Variants in RANBP2 observed in about 807,000 individuals in gnomAD.
RANBP2 encodes the protein E3 SUMO-protein ligase RanBP2.
In RANBP2, 57 loss-of-function variants were observed where a neutral mutation model predicts 303.6. That is an observed-to-expected ratio of 0.19 (90% confidence interval 0.15 to 0.23). The LOEUF is 0.23. Among genes scored for constraint, RANBP2 ranks in the 10% least tolerant of loss-of-function variants. The pLI, the probability that RANBP2 is intolerant of heterozygous loss-of-function variation, is 1.00. For missense variants in RANBP2, 3,138 were observed against 3,780.8 expected (o/e 0.83, Z 4.46); for synonymous variants, 1,167 against 1,301.5 (o/e 0.90, Z 2.23).
the RANBP2 span, among the ~76,000 whole-genome samples, chr2:109,690,615 G>A: frequency 6.6e-6 from 1 of 152,092 alleles, no homozygotes; most frequent in Non-Finnish European, 1.5e-5. Flanking sequence ...AGCCACCCAG[G>A]GGCAGAGGAA....
the RANBP2 span, chr2:109,546,272 A>G: frequency 4.9e-6 from 7 of 1,433,718 alleles, no homozygotes; most frequent in Admixed American, 9.6e-5. Context: ...CTACTGACAC[A>G]GCGCGGCAGC....
chr2:108,990,919 C>G, the RANBP2 span, among the ~76,000 whole-genome samples: 3 of 152,144 alleles, frequency 2.0e-5, no homozygotes, highest in African/African-American at 7.2e-5. Context: ...CTGTTCTACT[C>G]CATATAATTT....
At chr2:109,202,361 C>T in the RANBP2 span, among the ~76,000 whole-genome samples, 24 of 152,294 alleles carry the variant, frequency 1.6e-4, no homozygotes, top group South Asian at 4.8e-3. Flanking sequence ...TTGGGCTTTC[C>T]ACTCTCTGTT....
chr2:109,128,883 C>T, the RANBP2 span: 1 of 319,552 alleles, frequency 3.1e-6, no homozygotes, highest in African/African-American at 2.3e-5. Flanking sequence ...GGGGACCAGG[C>T]TAATCGCCGG....
At chr2:108,760,059 T>G (rs1339026730) in intron 18 of RANBP2, among the ~76,000 whole-genome samples, 2 of 152,088 alleles carry the variant, frequency 1.3e-5, no homozygotes, top group Non-Finnish European at 2.9e-5. Context: ...ATCTCCTGAT[T>G]TCTGTTCCTG....
chr2:109,276,940 G>A, the RANBP2 span, among the ~76,000 whole-genome samples: 2 of 152,194 alleles, frequency 1.3e-5, no homozygotes, highest in African/African-American at 4.8e-5. Context: ...GAGGGTGTAA[G>A]AAGGGGAGTC....
At chr2:109,351,751 G>C in the RANBP2 span, among the ~76,000 whole-genome samples, 1 of 152,206 alleles carries the variant, frequency 6.6e-6, no homozygotes, top group African/African-American at 2.4e-5. Flanking sequence ...ATCCCTACCA[G>C]GTGTGCCATG....
At chr2:109,238,868 C>T in the RANBP2 span, among the ~76,000 whole-genome samples, 1 of 152,116 alleles carries the variant, frequency 6.6e-6, no homozygotes, top group African/African-American at 2.4e-5. Context: ...TTCTCTCTGT[C>T]CCAAGGGAGG....
At chr2:109,760,394 G>T in the RANBP2 span, 1 of 536,054 alleles carries the variant, frequency 1.9e-6, no homozygotes, top group Non-Finnish European at 2.3e-6. Context: ...GGGCCAGGCG[G>T]GGCGGGGGCG....
the RANBP2 span, among the ~76,000 whole-genome samples, chr2:109,222,572 C>T: frequency 6.6e-6 from 1 of 152,178 alleles, no homozygotes; most frequent in African/African-American, 2.4e-5. Flanking sequence ...AGAGCAGGCC[C>T]TGGGCTTAGC....
At chr2:109,409,627 G>A in the RANBP2 span, among the ~76,000 whole-genome samples, 1 of 152,134 alleles carries the variant, frequency 6.6e-6, no homozygotes, top group African/African-American at 2.4e-5. Context: ...AGTTATGTGG[G>A]CAGAAGGCGT....
chr2:109,600,311 C>G, the RANBP2 span, among the ~76,000 whole-genome samples: 1 of 152,116 alleles, frequency 6.6e-6, no homozygotes, highest in Admixed American at 6.6e-5. Flanking sequence ...GGCAATACTA[C>G]CCCTGCCCCT....
In RANBP2 at chr2:108,753,420, G is replaced by A; in HGVS notation, c.1918-6G>A. On this transcript the variant is annotated splice_region_variant and splice_polypyrimidine_tract_variant and intron_variant, in intron 13 of 28. Coordinates refer to ENST00000283195, the MANE Select transcript of RANBP2 (RefSeq NM_006267.5). ...AATTTGACTAAAAACTATTCTGTGT[G>A]TTTAGGCATCAGAAATTGTTGAATA... The A allele has an allele frequency of 6.2e-7, 1 of 1,611,642 alleles. No homozygotes were observed.
At chr2:109,692,298 G>T in the RANBP2 span, among the ~76,000 whole-genome samples, 1 of 151,666 alleles carries the variant, frequency 6.6e-6, no homozygotes, top group East Asian at 1.9e-4. Flanking sequence ...GCTGGGGGCG[G>T]TGGGGAGGGC....
chr2:109,686,621 T>G, the RANBP2 span, among the ~76,000 whole-genome samples: 1 of 151,752 alleles, frequency 6.6e-6, no homozygotes, highest in Admixed American at 6.6e-5. Context: ...CTTCTTACTA[T>G]TTTTTTTTAA....
the RANBP2 span, among the ~76,000 whole-genome samples, chr2:109,277,852 T>G: frequency 5.9e-5 from 9 of 152,204 alleles, no homozygotes; most frequent in Non-Finnish European, 1.0e-4. Flanking sequence ...TAGACTTTGC[T>G]GTGAATTACA....
At chr2:109,081,102 A>T in the RANBP2 span, among the ~76,000 whole-genome samples, 2 of 152,266 alleles carry the variant, frequency 1.3e-5, no homozygotes, top group Non-Finnish European at 2.9e-5. Context: ...GACTTCGAAG[A>T]CTAAACGTGA....
At chr2:108,925,040 T>G in the RANBP2 span, among the ~76,000 whole-genome samples, 1 of 152,184 alleles carries the variant, frequency 6.6e-6, no homozygotes, top group African/African-American at 2.4e-5. Context: ...TCCTCCACCT[T>G]TTCTCACTCT....
the RANBP2 span, among the ~76,000 whole-genome samples, chr2:109,429,827 G>A: frequency 6.6e-6 from 1 of 152,206 alleles, no homozygotes; most frequent in Non-Finnish European, 1.5e-5. Flanking sequence ...CCGAGCAGAG[G>A]TAGCCCTGCT....
Sources: gnomAD v4.1 joint callset for allele counts (sites outside exome capture counted in the v4.1 genomes callset) on GRCh38, gnomAD v4.1.1 for gene constraint, MANE v1.5 for transcripts, NCBI Gene and HGNC (gene_info 2026-07-23, HGNC 2026-07-21) for gene names.